The following SPIDR variants were observed in gnomAD, a reference collection of about 807,000 sequenced individuals.
SPIDR encodes scaffold protein involved in DNA repair.
A neutral mutation model predicts 104.6 loss-of-function variants in SPIDR; 93 were observed. The ratio of observed to expected loss-of-function variants is 0.89; its 90% CI spans 0.75 to 1.06. The LOEUF is 1.06. SPIDR is among the 50% of genes least tolerant of loss of function. The pLI, the probability that SPIDR is intolerant of heterozygous loss-of-function variation, is 0.00. For synonymous variants in SPIDR, 431 were observed against 416.9 expected, an observed-to-expected ratio of 1.03 and a Z score of -0.41; for missense variants, 1,154 against 1,111.2, an observed-to-expected ratio of 1.04 and a Z score of -0.55.
chr8:47,469,769 C>T (rs922004603), intron 8 of SPIDR, among the ~76,000 whole-genome samples: 1 of 152,084 alleles, frequency 6.6e-6, no homozygotes, highest in African/African-American at 2.4e-5. Flanking sequence ...CTAATGAGTA[C>T]TAGGCTTAAT....
At chr8:47,702,261 T>C (rs1351788611) in intron 14 of SPIDR, among the ~76,000 whole-genome samples, 1 of 152,138 alleles carries the variant, frequency 6.6e-6, no homozygotes, top group Non-Finnish European at 1.5e-5. Context: ...TCCATTCCTT[T>C]TACAGATGCA....
intron 8 of SPIDR, among the ~76,000 whole-genome samples, chr8:47,504,768 A>G (rs372333980): frequency 6.6e-6 from 1 of 152,002 alleles, no homozygotes; most frequent in Non-Finnish European, 1.5e-5. Flanking sequence ...TTGTGGTTTT[A>G]TCTACCTTTG....
intron 2 of SPIDR, among the ~76,000 whole-genome samples, chr8:47,280,785 A>G (rs951716731): frequency 1.8e-4 from 28 of 152,036 alleles, no homozygotes; most frequent in African/African-American, 6.3e-4. Flanking sequence ...TGATCCTCCC[A>G]CCTCCGCCTC....
chr8:47,466,339 A>G (rs2074773384), intron 8 of SPIDR, among the ~76,000 whole-genome samples: 1 of 152,228 alleles, frequency 6.6e-6, no homozygotes, highest in South Asian at 2.1e-4. Flanking sequence ...ACCACGGCAC[A>G]ATCAAATTAG....
At chr8:47,604,390 AG>A (rs1388408940) in intron 10 of SPIDR, among the ~76,000 whole-genome samples, 1 of 152,214 alleles carries the variant, frequency 6.6e-6, no homozygotes, top group Non-Finnish European at 1.5e-5. Context: ...CAGGAGCTGC[AG>A]TGTTTGCTGT....
At chr8:47,592,561 C>T (rs1244958681) in intron 8 of SPIDR, 38 of 1,305,160 alleles carry the variant, frequency 2.9e-5, no homozygotes, top group Non-Finnish European at 3.7e-5. Context: ...CTGGTTCTGC[C>T]AGCAAACCCT....
chr8:47,554,726 C>T (rs747875524), intron 8 of SPIDR, among the ~76,000 whole-genome samples: 6 of 152,182 alleles, frequency 3.9e-5, no homozygotes, highest in Admixed American at 2.0e-4. Flanking sequence ...CACCCTGCTT[C>T]GGCTCACACT....
At chr8:47,552,259 T>G (rs1013225988) in intron 8 of SPIDR, among the ~76,000 whole-genome samples, 1 of 152,182 alleles carries the variant, frequency 6.6e-6, no homozygotes, top group Non-Finnish European at 1.5e-5. Flanking sequence ...TGATTTTGGG[T>G]GGAGAGTTCT....
At chr8:47,382,433 A>T (rs984045921) in intron 5 of SPIDR, among the ~76,000 whole-genome samples, 4 of 152,216 alleles carry the variant, frequency 2.6e-5, no homozygotes, top group African/African-American at 9.6e-5. Flanking sequence ...TCTTTTTTTG[A>T]GATGGAATCT....
At chr8:47,730,025 CT>C (rs1272031255) in intron 19 of SPIDR, among the ~76,000 whole-genome samples, 1 of 152,110 alleles carries the variant, frequency 6.6e-6, no homozygotes. Flanking sequence ...AGCCTGCCCC[CT>C]GGCTTTGATT....
intron 8 of SPIDR, chr8:47,511,921 A>C (rs2082390184): frequency 1.3e-6 from 1 of 794,816 alleles, no homozygotes; most frequent in African/African-American, 1.7e-5. Context: ...GAGATCTCTA[A>C]AGGATGTCAC....
At chr8:47,508,358 G>C (rs912613536) in intron 8 of SPIDR, among the ~76,000 whole-genome samples, 4 of 152,130 alleles carry the variant, frequency 2.6e-5, no homozygotes, top group African/African-American at 9.7e-5. Context: ...CCAGATAAGG[G>C]AATGCATTGA....
intron 5 of SPIDR, among the ~76,000 whole-genome samples, chr8:47,296,052 AATAT>A (rs1324379128): frequency 6.6e-6 from 1 of 152,092 alleles, no homozygotes; most frequent in Non-Finnish European, 1.5e-5. Flanking sequence ...TGAGCATTTT[AATAT>A]ATATCTGTTG....
chr8:47,405,291 C>CGTGTGT (rs34302817), intron 6 of SPIDR, among the ~76,000 whole-genome samples: 3,665 of 144,966 alleles, frequency 0.025, 136 homozygotes, highest in African/African-American at 0.081. Context: ...CAACATGGCA[C>CGTGTGT]GTGTGTGTGT....
At chr8:47,717,593 AG>A (rs1196515867) in intron 16 of SPIDR, among the ~76,000 whole-genome samples, 1 of 152,136 alleles carries the variant, frequency 6.6e-6, no homozygotes, top group African/African-American at 2.4e-5. Context: ...TGGTACACTG[AG>A]GGAACTTTGC....
At chr8:47,372,897 T>C (rs1485005323) in intron 5 of SPIDR, among the ~76,000 whole-genome samples, 2 of 152,160 alleles carry the variant, frequency 1.3e-5, no homozygotes, top group East Asian at 1.9e-4. Flanking sequence ...TCAGAGACTT[T>C]GCAAAACCAG....
intron 3 of SPIDR, among the ~76,000 whole-genome samples, chr8:47,286,793 A>G (rs2038932131): frequency 2.0e-5 from 3 of 152,222 alleles, no homozygotes; most frequent in Non-Finnish European, 4.4e-5. Context: ...CAAACCTATG[A>G]AAAGATGCTC....
intron 5 of SPIDR, among the ~76,000 whole-genome samples, chr8:47,378,004 G>A (rs1400238201): frequency 1.3e-5 from 2 of 152,094 alleles, no homozygotes; most frequent in African/African-American, 4.8e-5. Flanking sequence ...ATCAAGCCCA[G>A]GATAACTTTA....
chr8:47,679,439 G>T (rs2076834364), intron 11 of SPIDR, among the ~76,000 whole-genome samples: 1 of 125,278 alleles, frequency 8.0e-6, no homozygotes, highest in Non-Finnish European at 1.6e-5. Context: ...GTGCTGGCCT[G>T]TGCCAGGTGC....
Sources: gnomAD v4.1 joint callset for allele counts (sites outside exome capture counted in the v4.1 genomes callset) on GRCh38, gnomAD v4.1.1 for gene constraint, MANE v1.5 for transcripts, NCBI Gene and HGNC (gene_info 2026-07-23, HGNC 2026-07-21) for gene names.